The following FGF14 variants were observed in gnomAD, a reference collection of about 807,000 sequenced individuals.
FGF14 encodes the protein fibroblast growth factor homologous factor 4.
A neutral mutation model predicts 25.5 loss-of-function variants in FGF14; 5 were observed. That is an observed-to-expected ratio of 0.20 (90% CI 0.10 to 0.41). FGF14 has a LOEUF of 0.41. FGF14 is among the 10% of genes least tolerant of loss of function. The pLI, the probability that FGF14 is intolerant of heterozygous loss-of-function variation, is 1.00. For missense variants in FGF14, 222 were observed against 320.1 expected, an observed-to-expected ratio of 0.69 and a Z score of 2.34; for synonymous variants, 138 against 118.3, an observed-to-expected ratio of 1.17 and a Z score of -1.08.
intron 1 of FGF14, among the ~76,000 whole-genome samples, chr13:102,319,493 T>A (rs2056162763): frequency 6.6e-6 from 1 of 152,206 alleles, no homozygotes; most frequent in Non-Finnish European, 1.5e-5. Flanking sequence ...CACACAGCAG[T>A]GCAGACACCA....
chr13:101,846,898 T>C (rs1244626687), intron 3 of FGF14, among the ~76,000 whole-genome samples: 4 of 152,024 alleles, frequency 2.6e-5, no homozygotes, highest in Non-Finnish European at 5.9e-5. Context: ...AGATGGATTT[T>C]TCATAGTCAA....
intron 3 of FGF14, among the ~76,000 whole-genome samples, chr13:101,795,709 C>A (rs550076855): frequency 6.6e-6 from 1 of 152,242 alleles, no homozygotes; most frequent in Non-Finnish European, 1.5e-5. Flanking sequence ...ATGACAATTA[C>A]TCAACCATAG....
chr13:101,932,198 A>G (rs1414907633), intron 1 of FGF14, among the ~76,000 whole-genome samples: 6 of 152,310 alleles, frequency 3.9e-5, no homozygotes, highest in African/African-American at 4.8e-5. Context: ...TTGAGCCCAC[A>G]GGAAAAGGTG....
intron 3 of FGF14, among the ~76,000 whole-genome samples, chr13:101,831,066 G>T (rs1234889658): frequency 1.3e-5 from 2 of 151,890 alleles, no homozygotes; most frequent in African/African-American, 4.8e-5. Flanking sequence ...TATCTCTTTT[G>T]CCATGTAAGG....
intron 1 of FGF14, among the ~76,000 whole-genome samples, chr13:102,156,267 T>C (rs2047332672): frequency 1.3e-5 from 2 of 152,074 alleles, no homozygotes; most frequent in Admixed American, 1.3e-4. Context: ...CTCAATAAAA[T>C]ACTGGCAAAC....
chr13:102,032,564 T>C (rs2041263269), intron 1 of FGF14, among the ~76,000 whole-genome samples: 1 of 152,154 alleles, frequency 6.6e-6, no homozygotes, highest in Admixed American at 6.6e-5. Flanking sequence ...TTGACTTATT[T>C]TGAGGCACAT....
chr13:101,860,762 G>A (rs1480557537), intron 3 of FGF14, among the ~76,000 whole-genome samples: 1 of 151,920 alleles, frequency 6.6e-6, no homozygotes, highest in East Asian at 1.9e-4. Flanking sequence ...TGATTCTTGA[G>A]GCATGTTGAA....
chr13:102,170,470 C>A (rs1283402574), intron 1 of FGF14, among the ~76,000 whole-genome samples: 1 of 151,956 alleles, frequency 6.6e-6, no homozygotes, highest in Non-Finnish European at 1.5e-5. Context: ...GAGAGAAAGT[C>A]ATTTACAGAC....
intron 1 of FGF14, among the ~76,000 whole-genome samples, chr13:102,227,907 AC>A (rs1336765345): frequency 6.6e-6 from 1 of 152,124 alleles, no homozygotes; most frequent in African/African-American, 2.4e-5. Context: ...CCTTTGTTTT[AC>A]ATCATATATT....
chr13:102,131,193 A>G (rs527748706), intron 1 of FGF14, among the ~76,000 whole-genome samples: 4 of 152,274 alleles, frequency 2.6e-5, no homozygotes, highest in Non-Finnish European at 4.4e-5. Context: ...AAACCTCTGA[A>G]AGTGAGCAGC....
chr13:102,040,540 A>T (rs1178714172), intron 1 of FGF14, among the ~76,000 whole-genome samples: 6 of 152,124 alleles, frequency 3.9e-5, no homozygotes, highest in Non-Finnish European at 7.4e-5. Context: ...GATAATAAAA[A>T]CTACTTTGCA....
intron 1 of FGF14, among the ~76,000 whole-genome samples, chr13:102,172,274 C>G (rs1022322764): frequency 6.6e-6 from 1 of 152,064 alleles, no homozygotes; most frequent in Non-Finnish European, 1.5e-5. Flanking sequence ...ATAAGCCAGC[C>G]TTTCCCCAGT....
intron 1 of FGF14, among the ~76,000 whole-genome samples, chr13:102,153,473 T>A (rs539156474): frequency 2.0e-5 from 3 of 152,354 alleles, no homozygotes; most frequent in South Asian, 4.1e-4. Context: ...ATTTTCCATA[T>A]GCAATAGGAT....
chr13:101,796,305 C>A (rs1039781447), intron 3 of FGF14, among the ~76,000 whole-genome samples: 1 of 152,020 alleles, frequency 6.6e-6, no homozygotes, highest in Non-Finnish European at 1.5e-5. Flanking sequence ...CTTGCTGTAG[C>A]CTTCCAGATC....
At chr13:101,854,402 G>A (rs2044018120) in intron 3 of FGF14, among the ~76,000 whole-genome samples, 1 of 152,084 alleles carries the variant, frequency 6.6e-6, no homozygotes. Context: ...AACTGTCAGA[G>A]AGAGGAGAAT....
At chr13:102,370,768 T>C (rs2057856721) in intron 1 of FGF14, among the ~76,000 whole-genome samples, 1 of 152,190 alleles carries the variant, frequency 6.6e-6, no homozygotes, top group Non-Finnish European at 1.5e-5. Flanking sequence ...AATGCACCCA[T>C]CTTAAACATT....
chr13:101,876,145 A>C (rs1158409412), intron 1 of FGF14, among the ~76,000 whole-genome samples: 2 of 152,218 alleles, frequency 1.3e-5, no homozygotes, highest in Non-Finnish European at 2.9e-5. Context: ...ATAGATCCTC[A>C]TTTGATGATT....
upstream of FGF14, among the ~76,000 whole-genome samples, chr13:101,917,468 T>A (rs1417231070): frequency 6.6e-6 from 1 of 152,044 alleles, no homozygotes; most frequent in African/African-American, 2.4e-5. Context: ...ATCGGGGCGC[T>A]TTTTCTTAGA....
chr13:102,205,200 C>T (rs758779671), intron 1 of FGF14, among the ~76,000 whole-genome samples: 8 of 152,150 alleles, frequency 5.3e-5, no homozygotes, highest in Non-Finnish European at 8.8e-5. Context: ...CATGTGAATG[C>T]ACATGTGTTA....
Sources: allele counts gnomAD v4.1 joint callset (sites outside exome capture counted in the v4.1 genomes callset), GRCh38; gene constraint gnomAD v4.1.1; transcripts MANE v1.5; gene names NCBI Gene and HGNC (gene_info 2026-07-23, HGNC 2026-07-21).